ECPAS: variants seen among roughly 807,000 people sequenced by gnomAD.
The protein encoded by ECPAS is Ecm29 proteasome adaptor and scaffold.
ECPAS carries 70 observed loss-of-function variants against 255.1 expected under a neutral mutation model. That is an observed-to-expected ratio of 0.27 (90% CI 0.23 to 0.33). The LOEUF (loss-of-function observed/expected upper bound fraction) is 0.33. Ranked by LOEUF, ECPAS falls within the 10% of genes least tolerant of loss-of-function variation. ECPAS has a pLI of 1.00. For synonymous variants in ECPAS, 784 were observed against 775.0 expected, an observed-to-expected ratio of 1.01 and a Z score of -0.19; for missense variants, 1,817 against 2,206.4, an observed-to-expected ratio of 0.82 and a Z score of 3.54.
rs774666781 is a variant in ECPAS, at chr9:111,426,368, TA to T, written c.1051-541del. 6.4e-3 allele frequency among the ~76,000 whole-genome samples: 740 copies of T among 115,776 alleles called. 4 individuals carry two copies. The highest frequency in any genetic ancestry group is 6.3e-3 in the Admixed American group (70 of 11,172). The allele number at this position is 115,776 out of a possible 152,430, so 76.0% of individuals were successfully genotyped here. A position where few individuals can be genotyped will look rare whatever the true frequency, so the allele number is the denominator to read the frequency against. On this transcript the variant is annotated intron_variant, in intron 10 of 49. Coordinates refer to ENST00000684092, the MANE Select transcript of ECPAS (RefSeq NM_001364929.1). ...TTTTTATGACAAAGATTACTTACAC[TA>T]AAAAAAAAAAAAAAAACTCTATACT...
intron 23 of ECPAS, among the ~76,000 whole-genome samples, chr9:111,409,145 T>C (rs931207874): frequency 1.3e-5 from 2 of 152,214 alleles, no homozygotes; most frequent in Non-Finnish European, 2.9e-5. Flanking sequence ...GCACTTAACA[T>C]ACTCTCCGGC....
intron 2 of ECPAS, among the ~76,000 whole-genome samples, chr9:111,467,274 A>C (rs546553331): frequency 1.3e-5 from 2 of 152,266 alleles, no homozygotes; most frequent in African/African-American, 4.8e-5. Flanking sequence ...AGAGAAGAGA[A>C]ATCAGTTTCC....
At chr9:111,369,205 A>G (rs2098124402) in intron 45 of ECPAS, 32 bp from the exon 46 acceptor site, 3 of 1,467,678 alleles carry the variant, frequency 2.0e-6, no homozygotes, top group Non-Finnish European at 2.7e-6. Context: ...AAAATGTAAT[A>G]TTTTCTTCTT....
intron 23 of ECPAS, 36 bp from the exon 24 acceptor site, chr9:111,408,708 G>T: frequency 1.5e-6 from 2 of 1,305,332 alleles, no homozygotes; most frequent in Non-Finnish European, 2.1e-6. Context: ...TTTAAACAGA[G>T]TATATAATAG....
chr9:111,370,534 G>A lies in ECPAS; in HGVS notation c.4875C>T (p.Tyr1625=), dbSNP rs761608662. ...CTGCACAGCTGATTGCTACAATCTT[G>A]TATTTGACATTCTCTTTGCTACATT... The part of the protein sequence containing the change: ...LKECSKENVK[Y]KIVAISCAAD... The change falls in exon 45 of 50, where the codon TAC becomes TAT. Residue 1625 remains tyrosine, a synonymous_variant. Coordinates refer to ENST00000684092, the MANE Select transcript of ECPAS (RefSeq NM_001364929.1). 47 of 1,611,164 alleles carry A rather than the reference G, an allele frequency of 2.9e-5. No homozygotes were observed. The highest frequency in any genetic ancestry group is 3.8e-5 in the Non-Finnish European group (45 of 1,178,654).
chr9:111,376,379 A>AT (rs1292830760), intron 37 of ECPAS, 97 bp downstream of exon 37: 2 of 983,996 alleles, frequency 2.0e-6, no homozygotes, highest in African/African-American at 1.6e-5. Flanking sequence ...GACTCATCCC[A>AT]TAAGTCTCTG....
chr9:111,376,569 G>C, intron 36 of ECPAS, 28 bp from the exon 37 acceptor site: 1 of 1,550,368 alleles, frequency 6.5e-7, no homozygotes. Context: ...AAGTCACCCG[G>C]CACATTCAAT....
intron 18 of ECPAS, among the ~76,000 whole-genome samples, chr9:111,414,992 TG>T (rs2098200966): frequency 1.3e-5 from 2 of 151,988 alleles, no homozygotes; most frequent in African/African-American, 2.4e-5. Context: ...TAAGAACTTC[TG>T]AACGCAAAGA....
At position 111,375,131 on chromosome 9, in the gene ECPAS, A is replaced by C. The variant is rs2098131885; in HGVS notation, c.4092T>G (p.Gly1364=). ...CACTTACCTTAGTTCCAAGACCTAC[A>C]CCACTTCTGATCAGTTCACACAACC... ...VPRLCELIRS[G]VGLGTKGGCA... is the part of the protein sequence containing the mutation. The change falls in exon 38 of 50, where the codon GGT becomes GGG. Residue 1364 remains glycine, a synonymous_variant. Coordinates refer to ENST00000684092, the MANE Select transcript of ECPAS (RefSeq NM_001364929.1). 6.2e-7 allele frequency: 1 copy of C among 1,613,426 alleles called. No individual in the cohort carries two copies. The highest frequency in any genetic ancestry group is 8.5e-7 in the Non-Finnish European group (1 of 1,179,446).
At position 111,433,337 on chromosome 9, in the gene ECPAS, T is replaced by C. The variant is rs1330241236; in HGVS notation, c.744A>G (p.Glu248=). ...GAACAGCTTCAAGTTCAGGCACCTG[T>C]TCAGCTTCTATGAATTTCACGATTC... is the stretch of plus-strand genomic sequence containing the variant. ...KLGIVKFIEA[E]QVPELEAVLH... The change falls in exon 8 of 50, where the codon GAA becomes GAG. Residue 248 remains glutamate, a synonymous_variant. Transcript: ENST00000684092. 6.2e-7 allele frequency: 1 copy of C among 1,614,002 alleles called. No homozygotes were observed. Among genetic ancestry groups the C allele is most frequent in the East Asian group, 2.2e-5 (1 of 44,876 alleles).
intron 46 of ECPAS, among the ~76,000 whole-genome samples, chr9:111,367,433 A>C (rs546337464): frequency 1.3e-5 from 2 of 152,288 alleles, no homozygotes; most frequent in South Asian, 4.1e-4. Flanking sequence ...TCTATTAACA[A>C]CCTTCTATGT....
chr9:111,391,958 C>T (rs2098160816), intron 28 of ECPAS, 134 bp from the exon 29 acceptor site: 4 of 670,418 alleles, frequency 6.0e-6, no homozygotes, highest in East Asian at 2.8e-5. Context: ...AAGTCCTTTC[C>T]GGCCGGGCGC....
chr9:111,472,864 A>AAT (rs1296527186), intron 2 of ECPAS, 33 bp downstream of exon 2: 1 of 790,688 alleles, frequency 1.3e-6, no homozygotes, highest in East Asian at 8.1e-5. Flanking sequence ...TACAAAAAAA[A>AAT]TGCACACATC....
rs770533832 is a variant in ECPAS, at chr9:111,390,051, C to A, written c.3212G>T (p.Ser1071Ile). Reference sequence around the variant, plus strand: ...AAATTTATACACCAGATCTGGCTGGCTAAGATCACTTGCCAGAGAACAAAG... The same window carrying A: ...AAATTTATACACCAGATCTGGCTGGATAAGATCACTTGCCAGAGAACAAAG... ...KELCSLASDL[S>I]QPDLVYKFMN... Residue 1071 changes from serine (S) to isoleucine (I), a missense_variant, in exon 30 of 50, where the codon AGC becomes ATC. This residue lies in a region of ECPAS where 960 missense variants were observed against 1,179.0 expected (regional missense o/e 0.81). Coordinates refer to ENST00000684092, the MANE Select transcript of ECPAS (RefSeq NM_001364929.1). 1.2e-6 allele frequency: 2 copies of A among 1,600,574 alleles called. No individual in the cohort carries two copies. Among genetic ancestry groups the A allele is most frequent in the Non-Finnish European group, 1.7e-6 (2 of 1,170,292 alleles).
intron 3 of ECPAS, among the ~76,000 whole-genome samples, chr9:111,450,848 C>G (rs1052162933): frequency 2.6e-5 from 4 of 152,030 alleles, no homozygotes; most frequent in Non-Finnish European, 5.9e-5. Context: ...GGGCCTAAGC[C>G]CAGAAGATCG....
At chr9:111,431,900 T>C (rs1217266079) in intron 8 of ECPAS, among the ~76,000 whole-genome samples, 1 of 152,204 alleles carries the variant, frequency 6.6e-6, no homozygotes, top group Non-Finnish European at 1.5e-5. Flanking sequence ...CTCAGCTGAT[T>C]GCTACTAACT....
At chr9:111,444,992 C>CTTTT (rs373389870) in intron 3 of ECPAS, among the ~76,000 whole-genome samples, 20 of 105,592 alleles carry the variant, frequency 1.9e-4, no homozygotes, top group Non-Finnish European at 2.4e-4. Flanking sequence ...CTGCTCCTGG[C>CTTTT]TTTTTTTTTT....
intron 46 of ECPAS, among the ~76,000 whole-genome samples, chr9:111,368,757 G>A (rs1017100754): frequency 6.6e-6 from 1 of 152,114 alleles, no homozygotes; most frequent in African/African-American, 2.4e-5. Flanking sequence ...CCTTGATCTC[G>A]AAATCTCAGA....
At chr9:111,483,365 G>GCGCGGC in intron 1 of ECPAS, 1 of 221,394 alleles carries the variant, frequency 4.5e-6, no homozygotes, top group Non-Finnish European at 7.5e-6. Flanking sequence ...CGCCAGGCCC[G>GCGCGGC]GGCTCCCCAG....
Sources: allele counts gnomAD v4.1 joint callset (sites outside exome capture counted in the v4.1 genomes callset), GRCh38; gene constraint gnomAD v4.1.1; regional missense constraint gnomAD v4.1.1; transcripts MANE v1.5; gene names NCBI Gene and HGNC (gene_info 2026-07-23, HGNC 2026-07-21).